Variants in JAG1 observed in about 807,000 individuals in gnomAD.
JAG1 encodes the protein protein jagged-1.
JAG1 carries 23 observed loss-of-function variants against 148.7 expected under a neutral mutation model. The observed-to-expected ratio is 0.15, with a 90% CI of 0.11 to 0.22. The LOEUF is 0.22. Among genes scored for constraint, JAG1 ranks in the 10% least tolerant of loss-of-function variants. The pLI is 1.00. For synonymous variants in JAG1, 572 were observed against 598.3 expected (o/e 0.96, Z 0.64); for missense variants, 1,054 against 1,611.2 (o/e 0.65, Z 5.92).
At chr20:10,648,435 T>A (rs981443697) in intron 12 of JAG1, 114 bp downstream of exon 12, 9 of 890,062 alleles carry the variant, frequency 1.0e-5, no homozygotes, top group Admixed American at 3.6e-5. Context: ...AATAGGATGT[T>A]AATAGATGTT....
At chr20:10,647,562 C>A (rs2067317760) in intron 13 of JAG1, among the ~76,000 whole-genome samples, 1 of 152,232 alleles carries the variant, frequency 6.6e-6, no homozygotes, top group Non-Finnish European at 1.5e-5. Flanking sequence ...AAATCAGTTT[C>A]TAGTTACACT....
In JAG1 at chr20:10,641,253, A is replaced by AT. The variant is rs147561364; in HGVS notation, c.2917-10dup. ...TGCTCCGTAGTAAGACCCTAAAACG[A>AT]TTTTTAAAAACCCACACACGTGTAA... On this transcript the variant is annotated splice_polypyrimidine_tract_variant and intron_variant, in intron 23 of 25. Transcript: ENST00000254958. 1 of 1,613,522 alleles carries AT rather than the reference A, an allele frequency of 6.2e-7. No individual in the cohort carries two copies. Among genetic ancestry groups the AT allele is most frequent in the African/African-American group, 1.3e-5 (1 of 75,036 alleles).
intron 2 of JAG1, among the ~76,000 whole-genome samples, chr20:10,670,032 C>A (rs1202541787): frequency 1.3e-5 from 2 of 152,132 alleles, no homozygotes; most frequent in Admixed American, 1.3e-4. Context: ...AAAACTACCC[C>A]AAGACCAGAG....
Position 10,643,758 on chromosome 20 carries a change from C to G in JAG1, c.2458+20G>C. The G allele has an allele frequency of 1.2e-6, 2 of 1,605,166 alleles. No homozygotes were observed. Among genetic ancestry groups the G allele is most frequent in the Non-Finnish European group, 1.7e-6 (2 of 1,172,014 alleles). On this transcript the variant is annotated intron_variant, in intron 20 of 25. Transcript: ENST00000254958. ...GAAGCGGTAAAGCCATTGGGAAAAC[C>G]AGACGGAGACAGTCCTTACTTATTC...
chr20:10,661,321 C>T (rs925010181), intron 3 of JAG1, among the ~76,000 whole-genome samples: 3 of 152,258 alleles, frequency 2.0e-5, no homozygotes, highest in East Asian at 1.9e-4. Flanking sequence ...ATGTTTACAA[C>T]TCGCTTGGGT....
In JAG1 at chr20:10,641,650, C is replaced by G; in HGVS notation, c.2726G>C (p.Ser909Thr). 1 of 1,613,986 alleles carries G rather than the reference C, an allele frequency of 6.2e-7. No individual in the cohort carries two copies. The highest frequency in any genetic ancestry group is 8.5e-7 in the Non-Finnish European group (1 of 1,180,022). Residue 909 changes from serine (S) to threonine (T), a missense_variant, in exon 23 of 26, where the codon AGC (serine) becomes ACC (threonine). Ser to Thr is a moderately conservative substitution (Grantham distance 58, BLOSUM62 1). Coordinates refer to ENST00000254958, the MANE Select transcript of JAG1 (RefSeq NM_000214.3). ...PRPCLLHKGH[S>T]ECPSGQSCIP... is the part of the protein sequence containing the mutation. ...GCAGCTCTGCCCGCTGGGGCACTCG[C>G]TGTGCCCTTTGTGGAGCAGGCAAGG...
At chr20:10,656,032 G>A (rs889190221) in intron 5 of JAG1, among the ~76,000 whole-genome samples, 2 of 152,156 alleles carry the variant, frequency 1.3e-5, no homozygotes, top group African/African-American at 4.8e-5. Context: ...GGAGGGGGCT[G>A]GGAGAAGAAA....
Position 10,650,379 on chromosome 20 carries a change from A to AG in JAG1, c.1121-20dup, listed in dbSNP as rs1378343024. Reference sequence around the variant, plus strand: ...TCAATGTCTGGTCAACAAGAAAAGGAGGGGGTTGACAATTTAATTCAATCC... The same window carrying AG: ...TCAATGTCTGGTCAACAAGAAAAGGAGGGGGGTTGACAATTTAATTCAATCC... On this transcript the variant is annotated intron_variant, in intron 8 of 25. Coordinates refer to ENST00000254958, the MANE Select transcript of JAG1 (RefSeq NM_000214.3). 1 of 1,397,524 alleles carries AG rather than the reference A, an allele frequency of 7.2e-7. No individual in the cohort carries two copies. The highest frequency in any genetic ancestry group is 1.2e-5 in the South Asian group (1 of 85,888). 86.6% of individuals were successfully genotyped at this position (1,397,524 alleles called of 1,614,324 possible). A position where few individuals can be genotyped will look rare whatever the true frequency, so the allele number is the denominator to read the frequency against.
chr20:10,650,043 C>T (rs755415818), intron 9 of JAG1, among the ~76,000 whole-genome samples: 3 of 152,220 alleles, frequency 2.0e-5, no homozygotes, highest in Admixed American at 1.3e-4. Context: ...AGGAATCCCA[C>T]GACTTTCCCA....
rs1232779153 is a variant in JAG1 at position 10,672,690 on chromosome 20, T to G, written c.387+11A>C. ...GGCTCCGCCCGGCCTCCTTCCCGAG[T>G]AGTCACTCACCGGCCAGGCGAAACT... On this transcript the variant is annotated intron_variant, in intron 2 of 25. Coordinates refer to ENST00000254958, the MANE Select transcript of JAG1 (RefSeq NM_000214.3). 2 of 1,611,606 alleles carry G rather than the reference T, an allele frequency of 1.2e-6. No individual in the cohort carries two copies. The highest frequency in any genetic ancestry group is 2.7e-5 in the African/African-American group (2 of 74,956).
rs531170085 is a variant in JAG1 at position 10,644,289 on chromosome 20, C to CACACACAT, written c.2372+67_2372+68insATGTGTGT. 1.2e-4 allele frequency: 127 copies of CACACACAT among 1,054,336 alleles called. 1 individual carries two copies. In the African/African-American group the frequency reaches 1.9e-3, roughly 16 times the overall value. 65.3% of individuals were successfully genotyped at this position (1,054,336 alleles called of 1,614,324 possible). On this transcript the variant is annotated intron_variant, in intron 19 of 25. Transcript: ENST00000254958. ...CCTGGGTGATTCTCACACACACACACACACACACACACACACACACACACA... is the reference window on the plus strand; with the variant it reads ...CCTGGGTGATTCTCACACACACACACACACACATACACACACACACACACACACACACA...
Position 10,673,650 on chromosome 20 carries a change from C to G in JAG1, c.-120G>C, listed in dbSNP as rs2067514903. ...GCCGCGTCCCGGCTCTAATATACTC[C>G]GCCGATTGGAGCATGCACGACTGGA... is the stretch of plus-strand genomic sequence containing the variant. On this transcript the variant is annotated 5_prime_UTR_variant, in exon 1 of 26. Coordinates refer to ENST00000254958, the MANE Select transcript of JAG1 (RefSeq NM_000214.3). The surrounding 1 kb of genome is among the most constrained non-coding windows in gnomAD (Gnocchi z 4.7). 2 of 351,110 alleles carry G rather than the reference C, an allele frequency of 5.7e-6. No homozygotes were observed. Among genetic ancestry groups the G allele is most frequent in the Non-Finnish European group, 9.4e-6 (2 of 211,684 alleles). The allele number at this position is 351,110 out of a possible 1,614,324, so 21.7% of individuals were successfully genotyped here.
chr20:10,644,689 G>A (rs777494764), intron 18 of JAG1, 174 bp downstream of exon 18: 20 of 670,168 alleles, frequency 3.0e-5, no homozygotes, highest in East Asian at 2.9e-4. Flanking sequence ...TATCTTATTG[G>A]CGACTTTCTC....
Position 10,673,189 on chromosome 20 carries a change from G to A in JAG1, c.82-183C>T, listed in dbSNP as rs1216577600. Among the ~76,000 whole-genome samples, 1 of 151,062 alleles carries A rather than the reference G, an allele frequency of 6.6e-6. No individual in the cohort carries two copies. Among genetic ancestry groups the A allele is most frequent in the Non-Finnish European group, 1.5e-5 (1 of 67,860 alleles). ...GGCAAAAAAAAAAAAAAATGCACGA[G>A]TGCGGAAGAAATCCGACGACTTCCC... is the stretch of plus-strand genomic sequence containing the variant. On this transcript the variant is annotated intron_variant, in intron 1 of 25. Coordinates refer to ENST00000254958, the MANE Select transcript of JAG1 (RefSeq NM_000214.3). The surrounding 1 kb of genome is among the most constrained non-coding windows in gnomAD (Gnocchi z 4.7).
intron 13 of JAG1, 45 bp from the exon 14 acceptor site, chr20:10,647,148 A>G: frequency 6.2e-7 from 1 of 1,612,156 alleles, no homozygotes; most frequent in Non-Finnish European, 8.5e-7. Flanking sequence ...GCACCCACAG[A>G]TGCGGCATTC....
rs371810429 is a variant in JAG1, at chr20:10,672,917, G to T, written c.171C>A (p.Gly57=). The T allele has an allele frequency of 3.1e-6, 5 of 1,612,986 alleles. No homozygotes were observed. The highest frequency in any genetic ancestry group is 3.4e-6 in the Non-Finnish European group (4 of 1,180,018). The stretch of plus-strand genomic sequence containing the variant: ...ACTTGCGGTCTCCCGGGTTCCGGGC[G>T]CCGCCGCAGCAGTTCCCGTTCTGCA... The part of the protein sequence containing the change: ...GELQNGNCCG[G]ARNPGDRKCT... Residue 57 remains glycine (G), a synonymous_variant, in exon 2 of 26, where the codon GGC becomes GGA. Coordinates refer to ENST00000254958, the MANE Select transcript of JAG1 (RefSeq NM_000214.3).
intron 2 of JAG1, among the ~76,000 whole-genome samples, chr20:10,672,427 C>A (rs2067502955): frequency 6.6e-6 from 1 of 152,172 alleles, no homozygotes; most frequent in Admixed American, 6.5e-5. Context: ...CAAGTTTACA[C>A]CGGCCTTCCT....
At position 10,658,832 on chromosome 20, in the gene JAG1, T is replaced by C. The variant is rs1271563799; in HGVS notation, c.440-110A>G. The C allele has an allele frequency of 4.8e-6, 6 of 1,256,484 alleles. No homozygotes were observed. The African/African-American group carries it at 6.0e-5, about 13-fold the overall frequency. 77.8% of individuals were successfully genotyped at this position (1,256,484 alleles called of 1,614,324 possible). ...TGCACCTGCTACAAAATTCTATCTGTTGTAAAAAAGGCAAAGAAATGAAAA... is the reference window on the plus strand; with the variant it reads ...TGCACCTGCTACAAAATTCTATCTGCTGTAAAAAAGGCAAAGAAATGAAAA... On this transcript the variant is annotated intron_variant, in intron 3 of 25. Transcript: ENST00000254958.
chr20:10,673,417 G>T lies in JAG1; in HGVS notation c.81+33C>A. ...GGCGCCGCGAGGGGAGGGAGAGGAC[G>T]GCTGGGAGGGAGGCCCGGAGAAGGG... On this transcript the variant is annotated intron_variant, in intron 1 of 25. Coordinates refer to ENST00000254958, the MANE Select transcript of JAG1 (RefSeq NM_000214.3). The surrounding 1 kb of genome is among the most constrained non-coding windows in gnomAD (Gnocchi z 4.7). 1 of 1,407,592 alleles carries T rather than the reference G, an allele frequency of 7.1e-7. No individual in the cohort carries two copies. Among genetic ancestry groups the T allele is most frequent in the Non-Finnish European group, 9.4e-7 (1 of 1,065,950 alleles). The allele number at this position is 1,407,592 out of a possible 1,614,324, so 87.2% of individuals were successfully genotyped here.
Sources: gnomAD v4.1 joint callset for allele counts (sites outside exome capture counted in the v4.1 genomes callset) on GRCh38, gnomAD v4.1.1 for gene constraint, Gnocchi (gnomAD v3.1) non-coding constraint, MANE v1.5 for transcripts, NCBI Gene and HGNC (gene_info 2026-07-23, HGNC 2026-07-21) for gene names.